HAUS1: variants seen among roughly 807,000 people sequenced by gnomAD.
The protein encoded by HAUS1 is HAUS augmin-like complex subunit 1.
HAUS1 carries 25 observed loss-of-function variants against 38.6 expected under a neutral mutation model. The observed-to-expected ratio is 0.65, with a 90% CI of 0.47 to 0.91. HAUS1 has a LOEUF of 0.91. HAUS1 is among the 40% of genes least tolerant of loss of function. The probability of loss-of-function intolerance (pLI) is 0.00; values close to 1 mark genes in which losing one functional copy is unlikely to be tolerated. For missense variants in HAUS1, 325 were observed against 328.4 expected (o/e 0.99, Z 0.08); for synonymous variants, 109 against 112.9 (o/e 0.97, Z 0.22).
intron 3 of HAUS1, among the ~76,000 whole-genome samples, chr18:46,119,648 A>G (rs1314184672): frequency 6.6e-6 from 1 of 152,228 alleles, no homozygotes; most frequent in Non-Finnish European, 1.5e-5. Flanking sequence ...CTGTAACAGT[A>G]AAAGTATGTA....
intron 2 of HAUS1, among the ~76,000 whole-genome samples, chr18:46,106,207 AC>A: frequency 6.6e-6 from 1 of 152,330 alleles, no homozygotes; most frequent in Admixed American, 6.5e-5. Context: ...ACGGTGGCTT[AC>A]GCCTGTAATC....
chr18:46,119,876 T>C (rs2144260227), intron 3 of HAUS1, 50 bp from the exon 4 acceptor site: 1 of 1,462,424 alleles, frequency 6.8e-7, no homozygotes, highest in Admixed American at 2.5e-5. Flanking sequence ...GAGGAGTAAT[T>C]ATAATTATTG....
At chr18:46,112,272 A>T (rs1314959524) in intron 2 of HAUS1, among the ~76,000 whole-genome samples, 2 of 140,740 alleles carry the variant, frequency 1.4e-5, no homozygotes, top group Non-Finnish European at 3.0e-5. Flanking sequence ...ATTCCATATT[A>T]TATATATAAT....
At chr18:46,123,424 T>G in intron 6 of HAUS1, 60 bp downstream of exon 6, 4 of 1,141,050 alleles carry the variant, frequency 3.5e-6, no homozygotes, top group Non-Finnish European at 3.9e-6. Context: ...GTCTGCTTTT[T>G]CATTTGTTTC....
intron 3 of HAUS1, among the ~76,000 whole-genome samples, chr18:46,119,545 C>T (rs1164671600): frequency 6.6e-6 from 1 of 151,766 alleles, no homozygotes; most frequent in Non-Finnish European, 1.5e-5. Flanking sequence ...ACTGGGGAAG[C>T]GAGATGAATA....
In HAUS1 at chr18:46,126,936, G is replaced by A. The variant is rs184052603; in HGVS notation, c.787-1139G>A. Among the ~76,000 whole-genome samples, 91 of 152,010 alleles carry A rather than the reference G, an allele frequency of 6.0e-4. 1 individual carries two copies. The highest frequency in any genetic ancestry group is 2.2e-3 in the African/African-American group (90 of 41,468). Reference sequence around the variant, plus strand: ...TGCAACCTCCACCTCCCTGGTGCAAGTGATTCTCCTGTCTCAGCCTCCTGA... The same window carrying A: ...TGCAACCTCCACCTCCCTGGTGCAAATGATTCTCCTGTCTCAGCCTCCTGA... On this transcript the variant is annotated intron_variant, in intron 8 of 8. Transcript: ENST00000282058.
intron 8 of HAUS1, chr18:46,126,731 T>A (rs1466673305): frequency 6.6e-6 from 1 of 152,094 alleles, no homozygotes. Context: ...TTCAAGCAAT[T>A]CTCATGCCTC....
intron 2 of HAUS1, among the ~76,000 whole-genome samples, chr18:46,117,646 C>G (rs1025384385): frequency 3.0e-4 from 46 of 151,590 alleles, no homozygotes; most frequent in Admixed American, 2.9e-3. Context: ...GAGATCTAGT[C>G]TCTATAAGAA....
At chr18:46,122,735 C>A in intron 5 of HAUS1, 145 bp downstream of exon 5, 1 of 838,340 alleles carries the variant, frequency 1.2e-6, no homozygotes, top group Admixed American at 2.8e-5. Flanking sequence ...ATAGCTATTA[C>A]AGTAAGCAGA....
chr18:46,111,885 CTTTTT>C (rs370593835), intron 2 of HAUS1, among the ~76,000 whole-genome samples: 1 of 134,424 alleles, frequency 7.4e-6, no homozygotes, highest in African/African-American at 2.8e-5. Context: ...CTTTTCTTTT[CTTTTT>C]TTTTTTTTTT....
At position 46,124,346 on chromosome 18, in the gene HAUS1, G is replaced by A. The variant is rs562451743; in HGVS notation, c.667-476G>A. Among the ~76,000 whole-genome samples the A allele has an allele frequency of 5.3e-5, 8 of 151,600 alleles. No individual in the cohort carries two copies. In the South Asian group the frequency reaches 1.5e-3, roughly 28 times the overall value. ...AAAGAAGAATCACTTGAACTCAGGGGGCGGAGGTTGCAGTGGGCCGAGATC... is the reference window on the plus strand; with the variant it reads ...AAAGAAGAATCACTTGAACTCAGGGAGCGGAGGTTGCAGTGGGCCGAGATC... On this transcript the variant is annotated intron_variant, in intron 6 of 8. Coordinates refer to ENST00000282058, the MANE Select transcript of HAUS1 (RefSeq NM_138443.4).
At chr18:46,110,333 GTTTTTT>G (rs71160713) in intron 2 of HAUS1, among the ~76,000 whole-genome samples, 6 of 50,014 alleles carry the variant, frequency 1.2e-4, no homozygotes, top group South Asian at 8.6e-4. Flanking sequence ...TTTTTTTAAG[GTTTTTT>G]TTTTTTTTTT....
chr18:46,128,159 A>C lies in HAUS1; in HGVS notation c.*34A>C. On this transcript the variant is annotated 3_prime_UTR_variant, in exon 9 of 9. Transcript: ENST00000282058. ...AAATAAACATCCTTTTCCCTAACAAAGTAAATTGAATAGGACTTTACAGAG... is the reference window on the plus strand; with the variant it reads ...AAATAAACATCCTTTTCCCTAACAACGTAAATTGAATAGGACTTTACAGAG... 7.1e-7 allele frequency: 1 copy of C among 1,404,560 alleles called. No individual in the cohort carries two copies. 87.0% of individuals were successfully genotyped at this position (1,404,560 alleles called of 1,614,324 possible). A position where few individuals can be genotyped will look rare whatever the true frequency, so the allele number is the denominator to read the frequency against.
chr18:46,118,052 TA>T, intron 2 of HAUS1, 128 bp from the exon 3 acceptor site: 2 of 797,632 alleles, frequency 2.5e-6, no homozygotes, highest in Non-Finnish European at 4.1e-6. Context: ...GGGATACAAC[TA>T]AAAGCCACTG....
intron 2 of HAUS1, among the ~76,000 whole-genome samples, chr18:46,111,557 AG>A (rs1055287158): frequency 6.6e-6 from 1 of 152,054 alleles, no homozygotes; most frequent in African/African-American, 2.4e-5. Flanking sequence ...CCTGGCCTCA[AG>A]GGATCCTCCC....
Position 46,116,561 on chromosome 18 carries a change from A to C in HAUS1, c.206-1620A>C, listed in dbSNP as rs111367234. Reference sequence around the variant, plus strand: ...GGGTGACAGAGCAAGACCCTGTCCCAAAAAAAAAATAACGACAAAAAAAAC... The same window carrying C: ...GGGTGACAGAGCAAGACCCTGTCCCCAAAAAAAAATAACGACAAAAAAAAC... On this transcript the variant is annotated intron_variant, in intron 2 of 8. Coordinates refer to ENST00000282058, the MANE Select transcript of HAUS1 (RefSeq NM_138443.4). Among the ~76,000 whole-genome samples, 55 of 90,914 alleles carry C rather than the reference A, an allele frequency of 6.0e-4. 2 individuals carry two copies. Among genetic ancestry groups the C allele is most frequent in the African/African-American group, 1.2e-3 (16 of 13,700 alleles). 59.6% of individuals were successfully genotyped at this position (90,914 alleles called of 152,430 possible). A position where few individuals can be genotyped will look rare whatever the true frequency, so the allele number is the denominator to read the frequency against.
At chr18:46,120,480 C>T (rs1366976590) in intron 4 of HAUS1, among the ~76,000 whole-genome samples, 6 of 151,452 alleles carry the variant, frequency 4.0e-5, no homozygotes, top group East Asian at 3.9e-4. Flanking sequence ...GTGATCCGCC[C>T]GCCTCGGCCT....
At chr18:46,122,350 C>G (rs1599817195) in intron 4 of HAUS1, 117 bp from the exon 5 acceptor site, 2 of 973,000 alleles carry the variant, frequency 2.1e-6, no homozygotes, top group East Asian at 4.9e-5. Context: ...GGAAGATGAC[C>G]TGGTTACCAA....
At chr18:46,112,455 CCATATTAT>C (rs1911672651) in intron 2 of HAUS1, among the ~76,000 whole-genome samples, 1 of 21,416 alleles carries the variant, frequency 4.7e-5, no homozygotes, top group Non-Finnish European at 8.2e-5. Context: ...TGTATATATT[CCATATTAT>C]ATATATAATA....
Sources: gnomAD v4.1 joint callset for allele counts (sites outside exome capture counted in the v4.1 genomes callset) on GRCh38, gnomAD v4.1.1 for gene constraint, MANE v1.5 for transcripts, NCBI Gene and HGNC (gene_info 2026-07-23, HGNC 2026-07-21) for gene names.